KLHL22: variants seen among roughly 807,000 people sequenced by gnomAD.
KLHL22 encodes kelch like family member 22.
A neutral mutation model predicts 60.7 loss-of-function variants in KLHL22; 18 were observed. That is an observed-to-expected ratio of 0.30 (90% confidence interval 0.20 to 0.44). KLHL22 has a LOEUF of 0.44. KLHL22 is among the 20% of genes least tolerant of loss of function. KLHL22 has a pLI of 1.00. For synonymous variants in KLHL22, 355 were observed against 354.5 expected, an observed-to-expected ratio of 1.00 and a Z score of -0.01; for missense variants, 596 against 852.3, an observed-to-expected ratio of 0.70 and a Z score of 3.74.
rs1211936058 is a variant in KLHL22, at chr22:20,495,506, ACCCTGGC to A, written c.-34+247_-34+253del. Reference sequence around the variant, plus strand: ...AGCAGCCGCGCTGAGGAGGCCTCGCACCCTGGCCCCTGGCCGAGCGCCAGATCCCGGC... The same window carrying A: ...AGCAGCCGCGCTGAGGAGGCCTCGCACCCTGGCCGAGCGCCAGATCCCGGC... On this transcript the variant is annotated intron_variant, in intron 1 of 6. Transcript: ENST00000328879. This position sits in a 1 kb window ranked among gnomAD's most constrained non-coding sequence, Gnocchi z 4.6. Among the ~76,000 whole-genome samples the A allele has an allele frequency of 2.4e-4, 37 of 151,610 alleles. 1 individual carries two copies. The South Asian group carries it at 7.5e-3, about 31-fold the overall frequency.
chr22:20,488,163 G>A (rs1447716961), intron 2 of KLHL22, among the ~76,000 whole-genome samples: 1 of 152,142 alleles, frequency 6.6e-6, no homozygotes, highest in Non-Finnish European at 1.5e-5. Context: ...AAGAGAGAGA[G>A]AGAGAACTAC....
At chr22:20,445,208 A>ATT (rs57956195) in intron 6 of KLHL22, among the ~76,000 whole-genome samples, 8,429 of 120,410 alleles carry the variant, frequency 0.07, 662 homozygotes, top group East Asian at 0.46. Context: ...ACCCTTCTCT[A>ATT]TTTTTTTTTT....
At chr22:20,463,482 C>T (rs966541937) in intron 4 of KLHL22, among the ~76,000 whole-genome samples, 10 of 152,242 alleles carry the variant, frequency 6.6e-5, no homozygotes, top group African/African-American at 2.2e-4. Context: ...GCCAAGCACA[C>T]AGCTGTCTCT....
intron 3 of KLHL22, among the ~76,000 whole-genome samples, chr22:20,469,299 G>A (rs918950525): frequency 7.9e-5 from 12 of 152,114 alleles, no homozygotes; most frequent in Admixed American, 4.6e-4. Flanking sequence ...GAAGGTGGAC[G>A]GGCTCAAGGA....
At chr22:20,466,564 C>T (rs73384264) in intron 3 of KLHL22, among the ~76,000 whole-genome samples, 5,607 of 152,136 alleles carry the variant, frequency 0.037, 336 homozygotes, top group African/African-American at 0.13. Flanking sequence ...GGCTTTTTCC[C>T]CCGCCAGAAC....
At chr22:20,475,350 T>C (rs1055020730) in intron 2 of KLHL22, 6 of 152,206 alleles carry the variant, frequency 3.9e-5, no homozygotes, top group African/African-American at 1.4e-4. Flanking sequence ...ACCATTTACT[T>C]GCCTCTGAGT....
intron 5 of KLHL22, among the ~76,000 whole-genome samples, chr22:20,457,269 G>A (rs903433987): frequency 2.6e-5 from 4 of 151,906 alleles, no homozygotes; most frequent in South Asian, 2.1e-4. Context: ...TAGGATGCAC[G>A]TGATTTTTTT....
chr22:20,473,881 C>CA (rs892769926), intron 2 of KLHL22, among the ~76,000 whole-genome samples: 12 of 151,896 alleles, frequency 7.9e-5, no homozygotes, highest in East Asian at 1.9e-4. Flanking sequence ...GTCACACACA[C>CA]AAAAAAAATA....
chr22:20,481,548 G>A lies in KLHL22; in HGVS notation c.227+7437C>T, dbSNP rs371896330. 4.6e-5 allele frequency among the ~76,000 whole-genome samples: 7 copies of A among 152,152 alleles called. No individual in the cohort carries two copies. In the East Asian group the frequency reaches 9.7e-4, roughly 21 times the overall value. On this transcript the variant is annotated intron_variant, in intron 2 of 6. Coordinates refer to ENST00000328879, the MANE Select transcript of KLHL22 (RefSeq NM_032775.4). The stretch of plus-strand genomic sequence containing the variant: ...GGATCATGCCACTGCACTCCCGCCC[G>A]GGCGACAGAGAGAGACTCCATCTCA...
At chr22:20,481,838 A>C (rs2053507444) in intron 2 of KLHL22, 1 of 152,328 alleles carries the variant, frequency 6.6e-6, no homozygotes, top group Non-Finnish European at 1.5e-5. Flanking sequence ...TCCAGGACTG[A>C]ACTGATCTGC....
At chr22:20,462,380 G>A (rs1320701209) in intron 4 of KLHL22, among the ~76,000 whole-genome samples, 2 of 151,802 alleles carry the variant, frequency 1.3e-5, no homozygotes, top group African/African-American at 2.4e-5. Context: ...TTAGAGACAG[G>A]GTCTCACTCT....
chr22:20,486,985 T>C (rs1479783458), intron 2 of KLHL22, among the ~76,000 whole-genome samples: 3 of 151,806 alleles, frequency 2.0e-5, no homozygotes, highest in African/African-American at 7.3e-5. Flanking sequence ...CTGGCCTCTT[T>C]CTAGGCTCAC....
chr22:20,494,079 C>CCG (rs1555915704), intron 1 of KLHL22, among the ~76,000 whole-genome samples: 1 of 144,992 alleles, frequency 6.9e-6, no homozygotes, highest in Non-Finnish European at 1.5e-5. Flanking sequence ...ACTTTGCCCC[C>CCG]CCCCCAAAAA....
At chr22:20,490,149 C>T (rs558138639) in intron 1 of KLHL22, among the ~76,000 whole-genome samples, 1 of 152,316 alleles carries the variant, frequency 6.6e-6, no homozygotes, top group Admixed American at 6.5e-5. Context: ...AGGCACAGCA[C>T]AGTCAGCTAC....
intron 1 of KLHL22, among the ~76,000 whole-genome samples, chr22:20,492,299 T>C (rs911718089): frequency 3.9e-5 from 6 of 152,096 alleles, no homozygotes; most frequent in Non-Finnish European, 8.8e-5. Flanking sequence ...ACAGCCACCC[T>C]CCACTCCTCC....
At position 20,484,358 on chromosome 22, in the gene KLHL22, G is replaced by A. The variant is rs748762602; in HGVS notation, c.227+4627C>T. ...CATCCAGTCTGGAGTGCAGTGACGC[G>A]ATCTCAGCTCACTACAACCTCCACC... On this transcript the variant is annotated intron_variant, in intron 2 of 6. Coordinates refer to ENST00000328879, the MANE Select transcript of KLHL22 (RefSeq NM_032775.4). Among the ~76,000 whole-genome samples, 7 of 152,090 alleles carry A rather than the reference G, an allele frequency of 4.6e-5. No homozygotes were observed. The South Asian group carries it at 1.2e-3, about 27-fold the overall frequency.
chr22:20,464,334 G>T (rs2053197799), intron 4 of KLHL22, among the ~76,000 whole-genome samples: 1 of 152,140 alleles, frequency 6.6e-6, no homozygotes, highest in Admixed American at 6.5e-5. Context: ...CACGCCCCTG[G>T]GCTGAAGACC....
intron 2 of KLHL22, 123 bp from the exon 3 acceptor site, chr22:20,471,638 C>T (rs1034820358): frequency 2.0e-6 from 2 of 981,152 alleles, no homozygotes; most frequent in South Asian, 1.5e-5. Flanking sequence ...AGTGGGCTGA[C>T]CCACTCTGTG....
chr22:20,474,473 C>CCTCCG (rs1331126962), intron 2 of KLHL22, among the ~76,000 whole-genome samples: 1 of 152,158 alleles, frequency 6.6e-6, no homozygotes, highest in Non-Finnish European at 1.5e-5. Flanking sequence ...CTCACTGCAA[C>CCTCCG]CTCCGCCTCC....
Sources: gnomAD v4.1 joint callset for allele counts (sites outside exome capture counted in the v4.1 genomes callset) on GRCh38, gnomAD v4.1.1 for gene constraint, Gnocchi (gnomAD v3.1) non-coding constraint, MANE v1.5 for transcripts, NCBI Gene and HGNC (gene_info 2026-07-23, HGNC 2026-07-21) for gene names.